LRP6: variants seen among roughly 807,000 people sequenced by gnomAD.
The protein encoded by LRP6 is low-density lipoprotein receptor-related protein 6.
Under a neutral mutation model 184.1 loss-of-function variants are expected in LRP6, and 43 were observed. That is an observed-to-expected ratio of 0.23 (90% confidence interval 0.18 to 0.30). The LOEUF is 0.30. LRP6 is among the 10% of genes least tolerant of loss of function. The pLI, the probability that LRP6 is intolerant of heterozygous loss-of-function variation, is 1.00. For synonymous variants in LRP6, 719 were observed against 684.9 expected (o/e 1.05, Z -0.78); for missense variants, 1,571 against 2,005.3 (o/e 0.78, Z 4.14).
chr12:12,195,171 C>T (rs1392914522), intron 3 of LRP6, among the ~76,000 whole-genome samples: 4 of 152,050 alleles, frequency 2.6e-5, no homozygotes, highest in Non-Finnish European at 5.9e-5. Context: ...CATAGGGGTG[C>T]AGATGTCTCG....
intron 12 of LRP6, 120 bp downstream of exon 12, chr12:12,158,704 TAACCA>T: frequency 6.5e-6 from 6 of 918,368 alleles, no homozygotes; most frequent in Non-Finnish European, 1.0e-5. Flanking sequence ...CCCTACCCTT[TAACCA>T]AACAAATAAC....
At chr12:12,204,801 C>CAA (rs1302465397) in intron 2 of LRP6, among the ~76,000 whole-genome samples, 3 of 107,900 alleles carry the variant, frequency 2.8e-5, no homozygotes, top group South Asian at 3.0e-4. Context: ...ACTAAAAATA[C>CAA]AAAAAAAAAA....
In LRP6 at chr12:12,154,716, A is replaced by T. The variant is rs564117391; in HGVS notation, c.2792-3678T>A. The stretch of plus-strand genomic sequence containing the variant: ...CTGATCTCTTAAAAAGAGGGAAAAA[A>T]GCCAGAAAGAAGCACTGAGTGACAA... On this transcript the variant is annotated intron_variant, in intron 12 of 22. Coordinates refer to ENST00000261349, the MANE Select transcript of LRP6 (RefSeq NM_002336.3). Among the ~76,000 whole-genome samples the T allele has an allele frequency of 5.9e-5, 9 of 152,304 alleles. No homozygotes were observed. In the South Asian group the frequency reaches 1.9e-3, roughly 32 times the overall value.
rs1176632146 is a variant in LRP6, at chr12:12,181,215, G to C, written c.1201C>G (p.Gln401Glu). The C allele has an allele frequency of 1.2e-6, 2 of 1,614,026 alleles. No homozygotes were observed. The highest frequency in any genetic ancestry group is 1.1e-5 in the South Asian group (1 of 91,084). Residue 401 changes from glutamine (Q) to glutamate (E), a missense_variant, in exon 6 of 23, where the codon CAA becomes GAA. Coordinates refer to ENST00000261349, the MANE Select transcript of LRP6 (RefSeq NM_002336.3). ...GSGSQFVVTA[Q>E]IAHPDGIAVD... Reference sequence around the variant, plus strand: ...GCAATACCATCAGGATGGGCAATTTGAGCAGTGACCACAAACTGACTGCCA... The same window carrying C: ...GCAATACCATCAGGATGGGCAATTTCAGCAGTGACCACAAACTGACTGCCA...
rs34355990 is a variant in LRP6 at position 12,186,658 on chromosome 12, C to CT, written c.844+264dup. On this transcript the variant is annotated intron_variant, in intron 4 of 22. Coordinates refer to ENST00000261349, the MANE Select transcript of LRP6 (RefSeq NM_002336.3). ...GTCTCCCAAAGTGCTGGGATTTTAA[C>CT]TTTTTTTTTTTTTTTTTTGAGACAC... is the stretch of plus-strand genomic sequence containing the variant. The CT allele has an allele frequency of 0.49, 140,865 of 288,538 alleles. 34,315 individuals carry two copies. The highest frequency in any genetic ancestry group is 0.62 in the Admixed American group (12,058 of 19,300). The allele number at this position is 288,538 out of a possible 1,614,324, so 17.9% of individuals were successfully genotyped here.
intron 3 of LRP6, among the ~76,000 whole-genome samples, chr12:12,187,960 C>T (rs1863518019): frequency 6.6e-6 from 1 of 152,026 alleles, no homozygotes; most frequent in Non-Finnish European, 1.5e-5. Context: ...GTCTGTAATC[C>T]CAGCACTTTG....
At chr12:12,132,266 A>G (rs1814175879) in intron 17 of LRP6, among the ~76,000 whole-genome samples, 1 of 152,242 alleles carries the variant, frequency 6.6e-6, no homozygotes, top group Non-Finnish European at 1.5e-5. Flanking sequence ...TTTTGCCCGC[A>G]AAACTATAAG....
chr12:12,165,752 T>C (rs937221291), intron 7 of LRP6, among the ~76,000 whole-genome samples: 1 of 152,152 alleles, frequency 6.6e-6, no homozygotes, highest in Non-Finnish European at 1.5e-5. Context: ...GTAAACACAG[T>C]TGATGTCTTT....
intron 3 of LRP6, among the ~76,000 whole-genome samples, chr12:12,192,784 A>C (rs1467948799): frequency 6.6e-6 from 1 of 152,052 alleles, no homozygotes; most frequent in Non-Finnish European, 1.5e-5. Flanking sequence ...CAGTTCAATA[A>C]TATAGTTGGA....
At chr12:12,129,820 G>C (rs979427600) in intron 19 of LRP6, among the ~76,000 whole-genome samples, 1 of 152,118 alleles carries the variant, frequency 6.6e-6, no homozygotes, top group East Asian at 1.9e-4. Flanking sequence ...AAAGTGCTGG[G>C]ATTACAGGTG....
At chr12:12,220,357 C>G (rs1432123885) in intron 2 of LRP6, among the ~76,000 whole-genome samples, 5 of 152,144 alleles carry the variant, frequency 3.3e-5, no homozygotes, top group Admixed American at 3.3e-4. Context: ...TTAGGAGTAT[C>G]TGTCACCTTA....
At chr12:12,128,339 T>C (rs1417202749) in intron 19 of LRP6, among the ~76,000 whole-genome samples, 1 of 152,240 alleles carries the variant, frequency 6.6e-6, no homozygotes, top group Non-Finnish European at 1.5e-5. Flanking sequence ...TCTGCCTGCA[T>C]CTTAAGTGCA....
At chr12:12,166,696 T>C (rs780866360) in intron 7 of LRP6, among the ~76,000 whole-genome samples, 3 of 152,228 alleles carry the variant, frequency 2.0e-5, no homozygotes, top group African/African-American at 7.2e-5. Context: ...TCTACTTCTA[T>C]TATGAGATCA....
At chr12:12,174,582 A>G (rs1037198249) in intron 7 of LRP6, among the ~76,000 whole-genome samples, 2 of 152,238 alleles carry the variant, frequency 1.3e-5, no homozygotes. Context: ...AGTAAAAAAA[A>G]TTATCAACAG....
chr12:12,130,869 C>T lies in LRP6; in HGVS notation c.3995G>A (p.Arg1332His), dbSNP rs538153545. 66 of 1,607,404 alleles carry T rather than the reference C, an allele frequency of 4.1e-5. No individual in the cohort carries two copies. Among genetic ancestry groups the T allele is most frequent in the South Asian group, 9.9e-5 (9 of 90,970 alleles). ...CEVLCLIDQF[R>H]CANGQCIGKH... ...TCCAATGCACTGACCATTGGCACAGCGGAACTGATCAATTAAACAAAGCAC... is the reference window on the plus strand; with the variant it reads ...TCCAATGCACTGACCATTGGCACAGTGGAACTGATCAATTAAACAAAGCAC... Residue 1332 changes from arginine to histidine, a missense_variant, in exon 19 of 23, where the codon CGC becomes CAC. Coordinates refer to ENST00000261349, the MANE Select transcript of LRP6 (RefSeq NM_002336.3).
chr12:12,242,950 G>A (rs1003889606), intron 2 of LRP6, among the ~76,000 whole-genome samples: 1 of 152,116 alleles, frequency 6.6e-6, no homozygotes, highest in African/African-American at 2.4e-5. Flanking sequence ...TTCTCCCCAA[G>A]TTCTCATTTA....
At chr12:12,124,171 C>T (rs868601964) in intron 22 of LRP6, among the ~76,000 whole-genome samples, 2 of 151,952 alleles carry the variant, frequency 1.3e-5, no homozygotes, top group Admixed American at 6.6e-5. Flanking sequence ...ATCAGGAGTT[C>T]GAGACCAGCC....
At position 12,119,210 on chromosome 12, in the gene LRP6, T is replaced by C. The variant is rs1949560555; in HGVS notation, c.*1916A>G. Reference sequence around the variant, plus strand: ...AATCAGCATTATTCTGAAACCACAATTTTATCTTCAAAAACTTTACTTAGG... The same window carrying C: ...AATCAGCATTATTCTGAAACCACAACTTTATCTTCAAAAACTTTACTTAGG... On this transcript the variant is annotated 3_prime_UTR_variant, in exon 23 of 23. Transcript: ENST00000261349. 6.6e-6 allele frequency: 1 copy of C among 152,228 alleles called. No individual in the cohort carries two copies. Among genetic ancestry groups the C allele is most frequent in the East Asian group, 1.9e-4 (1 of 5,208 alleles). 9.4% of individuals were successfully genotyped at this position (152,228 alleles called of 1,614,324 possible).
At chr12:12,179,006 G>A (rs1863265619) in intron 7 of LRP6, among the ~76,000 whole-genome samples, 1 of 152,140 alleles carries the variant, frequency 6.6e-6, no homozygotes, top group African/African-American at 2.4e-5. Flanking sequence ...ATCCTTGTAT[G>A]TGAAGTTTCC....
Sources: allele counts gnomAD v4.1 joint callset (sites outside exome capture counted in the v4.1 genomes callset), GRCh38; gene constraint gnomAD v4.1.1; transcripts MANE v1.5; gene names NCBI Gene and HGNC (gene_info 2026-07-23, HGNC 2026-07-21).